KCNMB2: variants seen among roughly 807,000 people sequenced by gnomAD.
The protein encoded by KCNMB2 is calcium-activated potassium channel subunit beta-2.
A neutral mutation model predicts 24.5 loss-of-function variants in KCNMB2; 9 were observed. The observed-to-expected ratio is 0.37, with a 90% CI of 0.22 to 0.64. The LOEUF is 0.64. KCNMB2 is among the 30% of genes least tolerant of loss of function. The pLI, the probability that KCNMB2 is intolerant of heterozygous loss-of-function variation, is 0.63. For missense variants in KCNMB2, 226 were observed against 284.3 expected, an observed-to-expected ratio of 0.79 and a Z score of 1.47; for synonymous variants, 109 against 104.4, an observed-to-expected ratio of 1.04 and a Z score of -0.27.
At chr3:178,703,973 A>T (rs777496205) in intron 1 of KCNMB2, among the ~76,000 whole-genome samples, 99 of 152,322 alleles carry the variant, frequency 6.5e-4, no homozygotes, top group Non-Finnish European at 1.0e-3. Context: ...TCTGTGGTGA[A>T]TCTCTCAAGC....
intron 1 of KCNMB2, among the ~76,000 whole-genome samples, chr3:178,589,451 G>C (rs1391831167): frequency 2.6e-5 from 4 of 152,102 alleles, no homozygotes; most frequent in East Asian, 1.9e-4. Flanking sequence ...TTTTCCTTGG[G>C]GGGAGGGGGA....
At chr3:178,631,807 C>T (rs977490415) in intron 1 of KCNMB2, among the ~76,000 whole-genome samples, 12 of 152,304 alleles carry the variant, frequency 7.9e-5, no homozygotes, top group Admixed American at 5.2e-4. Flanking sequence ...GTTAACTGCA[C>T]TAACAATTCT....
intron 1 of KCNMB2, among the ~76,000 whole-genome samples, chr3:178,791,926 GT>G: frequency 6.6e-6 from 1 of 151,508 alleles, no homozygotes; most frequent in South Asian, 2.1e-4. Context: ...AGGAGAAAAT[GT>G]TTTCCCAGAC....
chr3:178,662,879 A>G (rs1021195852), intron 1 of KCNMB2, among the ~76,000 whole-genome samples: 4 of 152,168 alleles, frequency 2.6e-5, no homozygotes, highest in African/African-American at 7.2e-5. Flanking sequence ...AACAGGCCTA[A>G]GAGAAGTTCA....
At chr3:178,563,438 G>A (rs1015507411) in intron 1 of KCNMB2, among the ~76,000 whole-genome samples, 1 of 152,180 alleles carries the variant, frequency 6.6e-6, no homozygotes, top group African/African-American at 2.4e-5. Context: ...TCTGATAAAT[G>A]AAAAGCCCAC....
intron 1 of KCNMB2, among the ~76,000 whole-genome samples, chr3:178,544,488 T>C (rs533023384): frequency 2.0e-5 from 3 of 152,322 alleles, no homozygotes; most frequent in African/African-American, 4.8e-5. Flanking sequence ...CAGATGATCC[T>C]GGGTGAGAAT....
chr3:178,705,536 T>G (rs1406200941), intron 1 of KCNMB2, among the ~76,000 whole-genome samples: 1 of 152,102 alleles, frequency 6.6e-6, no homozygotes, highest in Admixed American at 6.6e-5. Context: ...AAATTAAAGA[T>G]TACAGAAATG....
intron 3 of KCNMB2, 144 bp from the exon 4 acceptor site, chr3:178,828,034 G>A: frequency 1.6e-6 from 1 of 640,724 alleles, no homozygotes; most frequent in South Asian, 2.3e-5. Context: ...TCTATTCGAA[G>A]GCCTAAACTT....
chr3:178,599,609 A>G (rs1159596380), intron 1 of KCNMB2, among the ~76,000 whole-genome samples: 1 of 152,200 alleles, frequency 6.6e-6, no homozygotes, highest in Non-Finnish European at 1.5e-5. Flanking sequence ...GTGGTAATAT[A>G]CACATAAAAT....
rs560251428 is a variant in KCNMB2, at chr3:178,693,051, G to A, written c.-67-114292G>A. Among the ~76,000 whole-genome samples, 37 of 152,246 alleles carry A rather than the reference G, an allele frequency of 2.4e-4. 1 individual carries two copies. In the South Asian group the frequency reaches 7.2e-3, roughly 30 times the overall value. ...ACATTCCTGTTTTGGCTCTTGACTT[G>A]ACTGTTGCTGGTGTATAGAAATGCT... On this transcript the variant is annotated intron_variant, in intron 1 of 4. Coordinates refer to ENST00000452583, the MANE Select transcript of KCNMB2 (RefSeq NM_181361.3).
intron 1 of KCNMB2, among the ~76,000 whole-genome samples, chr3:178,777,208 G>A (rs1253901387): frequency 6.6e-6 from 1 of 152,126 alleles, no homozygotes; most frequent in Non-Finnish European, 1.5e-5. Context: ...GGTCAAGGCA[G>A]GCAGATCACA....
At chr3:178,557,745 A>C (rs1025230334) in intron 1 of KCNMB2, among the ~76,000 whole-genome samples, 1 of 152,236 alleles carries the variant, frequency 6.6e-6, no homozygotes, top group African/African-American at 2.4e-5. Context: ...AGGAAATCTA[A>C]GCAGTGCATT....
intron 1 of KCNMB2, among the ~76,000 whole-genome samples, chr3:178,722,631 T>C (rs1252872514): frequency 6.6e-6 from 1 of 152,156 alleles, no homozygotes; most frequent in African/African-American, 2.4e-5. Context: ...CGGTGACATA[T>C]GCCTGTAATC....
At chr3:178,606,374 A>T (rs1577043843) in intron 1 of KCNMB2, among the ~76,000 whole-genome samples, 1 of 152,226 alleles carries the variant, frequency 6.6e-6, no homozygotes, top group African/African-American at 2.4e-5. Flanking sequence ...GCAGAGCCAC[A>T]AGCCAAAGAG....
chr3:178,571,376 T>C (rs1218306523), intron 1 of KCNMB2, among the ~76,000 whole-genome samples: 1 of 148,278 alleles, frequency 6.7e-6, no homozygotes, highest in African/African-American at 2.5e-5. Flanking sequence ...AAATATATGG[T>C]GAATAAATAA....
chr3:178,730,411 C>A (rs539101448), intron 1 of KCNMB2, among the ~76,000 whole-genome samples: 23 of 142,896 alleles, frequency 1.6e-4, no homozygotes, highest in East Asian at 4.1e-4. Flanking sequence ...CAACACCCCC[C>A]CACACACACA....
At chr3:178,640,431 C>A (rs1245476432) in intron 1 of KCNMB2, among the ~76,000 whole-genome samples, 1 of 152,086 alleles carries the variant, frequency 6.6e-6, no homozygotes, top group African/African-American at 2.4e-5. Context: ...TGTAAGAACT[C>A]ACTCACTATC....
chr3:178,607,302 CAT>C (rs1286053111), intron 1 of KCNMB2, among the ~76,000 whole-genome samples: 5 of 152,158 alleles, frequency 3.3e-5, no homozygotes, highest in South Asian at 4.1e-4. Context: ...GATTCTGAAA[CAT>C]GTGGAAAGGC....
intron 1 of KCNMB2, among the ~76,000 whole-genome samples, chr3:178,562,499 G>A (rs1242558977): frequency 1.3e-5 from 2 of 152,174 alleles, no homozygotes; most frequent in African/African-American, 4.8e-5. Context: ...GCTAAGAAAA[G>A]AAACTTGGAG....
Sources: gnomAD v4.1 joint callset for allele counts (sites outside exome capture counted in the v4.1 genomes callset) on GRCh38, gnomAD v4.1.1 for gene constraint, MANE v1.5 for transcripts, NCBI Gene and HGNC (gene_info 2026-07-23, HGNC 2026-07-21) for gene names.